Variants in CELF2 observed in about 807,000 individuals in gnomAD.
CELF2 encodes CUGBP Elav-like family member 2.
Under a neutral mutation model 62.6 loss-of-function variants are expected in CELF2, and 8 were observed. The observed-to-expected ratio is 0.13, with a 90% CI of 0.07 to 0.23. CELF2 has a LOEUF of 0.23. CELF2 is among the 10% of genes least tolerant of loss of function. CELF2 has a pLI of 1.00. For synonymous variants in CELF2, 258 were observed against 250.0 expected (o/e 1.03, Z -0.30); for missense variants, 333 against 671.0 (o/e 0.50, Z 5.56).
intron 1 of CELF2, among the ~76,000 whole-genome samples, chr10:10,832,133 T>C (rs1049407307): frequency 2.0e-5 from 3 of 151,000 alleles, no homozygotes; most frequent in African/African-American, 4.9e-5. Context: ...CCGGGAGTGG[T>C]GGCAAGTGCC....
chr10:10,494,974 A>G, the CELF2 span, among the ~76,000 whole-genome samples: 1 of 152,174 alleles, frequency 6.6e-6, no homozygotes, highest in Non-Finnish European at 1.5e-5. Flanking sequence ...ACTGTGTCCC[A>G]TCAAAAATTT....
At chr10:11,256,351 G>T (rs2078729548) in intron 4 of CELF2, among the ~76,000 whole-genome samples, 1 of 152,192 alleles carries the variant, frequency 6.6e-6, no homozygotes, top group Non-Finnish European at 1.5e-5. Context: ...CGTCCAGAAG[G>T]AACTGGCCCC....
intron 1 of CELF2, among the ~76,000 whole-genome samples, chr10:11,152,716 A>G (rs2063563824): frequency 6.6e-6 from 1 of 152,248 alleles, no homozygotes; most frequent in Non-Finnish European, 1.5e-5. Flanking sequence ...GTAGTTCACA[A>G]TTCCATAGTC....
chr10:11,165,144 C>A lies in CELF2; in HGVS notation c.75-342C>A. On this transcript the variant is annotated intron_variant, in intron 1 of 12. Coordinates refer to ENST00000633077, the MANE Select transcript of CELF2 (RefSeq NM_001326342.2). This position sits in a 1 kb window ranked among gnomAD's most constrained non-coding sequence, Gnocchi z 7.4. ...GGGTAGGGCTGATAAGGCGCTGATG[C>A]GTTGATGGCAGCCTTGCAGAGCTAG... The A allele has an allele frequency of 9.3e-7, 1 of 1,073,992 alleles. No individual in the cohort carries two copies. The highest frequency in any genetic ancestry group is 1.1e-6 in the Non-Finnish European group (1 of 884,272). 66.5% of individuals were successfully genotyped at this position (1,073,992 alleles called of 1,614,324 possible). A position where few individuals can be genotyped will look rare whatever the true frequency, so the allele number is the denominator to read the frequency against.
intron 1 of CELF2, among the ~76,000 whole-genome samples, chr10:11,079,518 G>GT: frequency 6.6e-6 from 1 of 152,296 alleles, no homozygotes; most frequent in African/African-American, 2.4e-5. Flanking sequence ...TGCTGTTGTT[G>GT]TGATAGTGAG....
chr10:11,085,635 A>G (rs921188858), intron 1 of CELF2, among the ~76,000 whole-genome samples: 74 of 151,752 alleles, frequency 4.9e-4, no homozygotes, highest in African/African-American at 1.8e-3. Flanking sequence ...GAAACTGCCT[A>G]AAGTTACATA....
chr10:10,484,954 G>T, the CELF2 span, among the ~76,000 whole-genome samples: 1 of 152,052 alleles, frequency 6.6e-6, no homozygotes, highest in Non-Finnish European at 1.5e-5. Flanking sequence ...TTTTCAGATA[G>T]CTTCTGGATA....
At chr10:10,888,578 C>G (rs1482216681) in intron 1 of CELF2, among the ~76,000 whole-genome samples, 3 of 152,108 alleles carry the variant, frequency 2.0e-5, no homozygotes, top group Admixed American at 2.0e-4. Flanking sequence ...ATTCCTTGTC[C>G]AGCCTCATTC....
At chr10:11,092,933 G>C (rs1211813370) in intron 1 of CELF2, among the ~76,000 whole-genome samples, 1 of 152,186 alleles carries the variant, frequency 6.6e-6, no homozygotes, top group African/African-American at 2.4e-5. Context: ...TAAATTTGCA[G>C]CTCAACTTTT....
chr10:11,100,030 G>T (rs923304108), intron 1 of CELF2, among the ~76,000 whole-genome samples: 1 of 151,512 alleles, frequency 6.6e-6, no homozygotes, highest in Non-Finnish European at 1.5e-5. Flanking sequence ...GCGAAACCCC[G>T]TCCCTACTAA....
At chr10:10,510,793 A>T in the CELF2 span, among the ~76,000 whole-genome samples, 2 of 152,252 alleles carry the variant, frequency 1.3e-5, no homozygotes, top group South Asian at 4.1e-4. Context: ...GACATCCACG[A>T]AGGTGATCTC....
At chr10:10,546,251 T>C in the CELF2 span, among the ~76,000 whole-genome samples, 1 of 152,180 alleles carries the variant, frequency 6.6e-6, no homozygotes, top group Non-Finnish European at 1.5e-5. Flanking sequence ...CAGTGCAGGA[T>C]AATGTGGCAG....
chr10:10,570,985 T>C, the CELF2 span, among the ~76,000 whole-genome samples: 1 of 152,082 alleles, frequency 6.6e-6, no homozygotes, highest in South Asian at 2.1e-4. Context: ...CTGAAATGAG[T>C]TGTAATTAAA....
chr10:10,611,058 T>A, the CELF2 span, among the ~76,000 whole-genome samples: 2 of 152,170 alleles, frequency 1.3e-5, no homozygotes, highest in African/African-American at 4.8e-5. Flanking sequence ...GACCCAACTA[T>A]GATGTGAGTT....
the CELF2 span, among the ~76,000 whole-genome samples, chr10:10,696,482 T>C: frequency 0.21 from 31,576 of 150,592 alleles, 3,315 homozygotes; most frequent in South Asian, 0.42. Flanking sequence ...CCCCCAGAGG[T>C]GGAGCCTACA....
the CELF2 span, among the ~76,000 whole-genome samples, chr10:10,479,426 C>T: frequency 1.3e-5 from 2 of 152,200 alleles, no homozygotes. Context: ...CTCGACCTCC[C>T]AAAGTGCTGG....
At chr10:10,969,351 A>G (rs1441519161) in intron 2 of CELF2, among the ~76,000 whole-genome samples, 1 of 152,238 alleles carries the variant, frequency 6.6e-6, no homozygotes, top group Non-Finnish European at 1.5e-5. Context: ...AAGGAGAAAC[A>G]TCAGGGGTGA....
At chr10:11,133,532 C>A (rs2059933966) in intron 1 of CELF2, among the ~76,000 whole-genome samples, 1 of 152,146 alleles carries the variant, frequency 6.6e-6, no homozygotes, top group Non-Finnish European at 1.5e-5. Context: ...CATACGTATA[C>A]AAGATAGGGA....
chr10:11,201,254 T>C (rs1272340252), intron 2 of CELF2, among the ~76,000 whole-genome samples: 1 of 152,206 alleles, frequency 6.6e-6, no homozygotes, highest in African/African-American at 2.4e-5. Flanking sequence ...CTGTAGGTAT[T>C]AGGATAGGTT....
Sources: gnomAD v4.1 joint callset for allele counts (sites outside exome capture counted in the v4.1 genomes callset) on GRCh38, gnomAD v4.1.1 for gene constraint, Gnocchi (gnomAD v3.1) non-coding constraint, MANE v1.5 for transcripts, NCBI Gene and HGNC (gene_info 2026-07-23, HGNC 2026-07-21) for gene names.